Variants in INSC observed in about 807,000 individuals in gnomAD.
INSC encodes the protein INSC spindle orientation adaptor protein, also known as protein inscuteable homolog.
In INSC, 67 loss-of-function variants were observed where a neutral mutation model predicts 58.6. That is an observed-to-expected ratio of 1.14 (90% confidence interval 0.94 to 1.40). INSC has a LOEUF of 1.40. Ranked by LOEUF, INSC falls within the 40% of genes most tolerant of loss-of-function variation. The pLI is 0.00. For synonymous variants in INSC, 262 were observed against 276.1 expected, an observed-to-expected ratio of 0.95 and a Z score of 0.51; for missense variants, 714 against 692.0, an observed-to-expected ratio of 1.03 and a Z score of -0.36.
intron 9 of INSC, among the ~76,000 whole-genome samples, chr11:15,227,349 G>T (rs1206407610): frequency 6.6e-6 from 1 of 152,148 alleles, no homozygotes; most frequent in Non-Finnish European, 1.5e-5. Flanking sequence ...TATTAATTGG[G>T]ACATGAATGT....
At chr11:15,114,901 G>A (rs945942669), upstream of INSC, 5 of 984,404 alleles carry the variant, frequency 5.1e-6, no homozygotes, top group African/African-American at 3.5e-5. Context: ...GCGGCCTCTC[G>A]GGCTGGGCCG....
At chr11:15,162,897 C>T (rs891181796) in intron 2 of INSC, among the ~76,000 whole-genome samples, 5 of 152,110 alleles carry the variant, frequency 3.3e-5, no homozygotes, top group Admixed American at 6.5e-5. Context: ...TTAGATTCAC[C>T]GTGTCACAAA....
At chr11:15,165,104 C>T (rs1849150454) in intron 2 of INSC, among the ~76,000 whole-genome samples, 1 of 152,092 alleles carries the variant, frequency 6.6e-6, no homozygotes, top group Admixed American at 6.5e-5. Flanking sequence ...GCTGGTATTT[C>T]GAAGTTTGTG....
chr11:15,261,451 T>C, the INSC span, among the ~76,000 whole-genome samples: 3 of 152,186 alleles, frequency 2.0e-5, no homozygotes, highest in African/African-American at 7.2e-5. Flanking sequence ...ATTGACCACA[T>C]AAACTCCATA....
At chr11:15,148,448 A>G (rs894766397) in intron 1 of INSC, among the ~76,000 whole-genome samples, 1 of 152,210 alleles carries the variant, frequency 6.6e-6, no homozygotes. Flanking sequence ...TTCGGGTCCA[A>G]CAGGAGACAT....
At chr11:15,154,908 G>T (rs545920520) in intron 2 of INSC, among the ~76,000 whole-genome samples, 1 of 152,184 alleles carries the variant, frequency 6.6e-6, no homozygotes. Context: ...AATGTGCAAA[G>T]GGGTCTTGTG....
chr11:15,210,200 C>T (rs1453344863), intron 7 of INSC, among the ~76,000 whole-genome samples: 2 of 152,166 alleles, frequency 1.3e-5, no homozygotes, highest in African/African-American at 4.8e-5. Context: ...CTTCATTTGC[C>T]ACTGATTTGC....
At chr11:15,250,664 T>C (rs1039818150), downstream of INSC, among the ~76,000 whole-genome samples, 2 of 152,220 alleles carry the variant, frequency 1.3e-5, no homozygotes, top group African/African-American at 4.8e-5. Flanking sequence ...GTCTATCTCT[T>C]GGCATGTTAT....
At chr11:15,240,035 T>G (rs1852283014) in intron 11 of INSC, among the ~76,000 whole-genome samples, 1 of 152,060 alleles carries the variant, frequency 6.6e-6, no homozygotes, top group Non-Finnish European at 1.5e-5. Flanking sequence ...TTTCTTAAAG[T>G]GTAAAAAGAA....
At chr11:15,152,246 C>G (rs1374166065) in intron 2 of INSC, among the ~76,000 whole-genome samples, 1 of 152,156 alleles carries the variant, frequency 6.6e-6, no homozygotes, top group African/African-American at 2.4e-5. Context: ...AGTTGAGCTG[C>G]AAAACCTGGC....
intron 7 of INSC, among the ~76,000 whole-genome samples, chr11:15,216,797 C>T (rs1851236745): frequency 6.6e-6 from 1 of 152,000 alleles, no homozygotes; most frequent in African/African-American, 2.4e-5. Flanking sequence ...GGAGAGAAGC[C>T]CAGTGAGGAG....
At chr11:15,209,997 C>A (rs1043277439) in intron 7 of INSC, among the ~76,000 whole-genome samples, 2 of 152,322 alleles carry the variant, frequency 1.3e-5, no homozygotes, top group Non-Finnish European at 2.9e-5. Flanking sequence ...CGGCTTTGCC[C>A]GTCTCCTAAT....
chr11:15,258,453 G>A, the INSC span, among the ~76,000 whole-genome samples: 1 of 152,140 alleles, frequency 6.6e-6, no homozygotes, highest in Non-Finnish European at 1.5e-5. Context: ...TGACTGCATC[G>A]CTCATCCAGC....
intron 1 of INSC, among the ~76,000 whole-genome samples, chr11:15,138,984 A>G (rs1401029323): frequency 6.6e-6 from 1 of 152,212 alleles, no homozygotes; most frequent in African/African-American, 2.4e-5. Context: ...AAAATCAGAG[A>G]AGATTGGATT....
At chr11:15,219,369 A>G (rs1408711881) in intron 7 of INSC, among the ~76,000 whole-genome samples, 2 of 152,208 alleles carry the variant, frequency 1.3e-5, no homozygotes, top group African/African-American at 4.8e-5. Flanking sequence ...AGCCTCCAGG[A>G]GGCCCCTCTG....
intron 2 of INSC, among the ~76,000 whole-genome samples, chr11:15,165,483 T>C (rs760245093): frequency 6.6e-6 from 1 of 152,324 alleles, no homozygotes; most frequent in Admixed American, 6.5e-5. Flanking sequence ...ACTGAGTGGT[T>C]GTATAACTTG....
chr11:15,134,307 A>G (rs527675641), intron 1 of INSC, among the ~76,000 whole-genome samples: 16 of 152,328 alleles, frequency 1.1e-4, no homozygotes, highest in African/African-American at 3.6e-4. Flanking sequence ...CCAAGATGCC[A>G]TTGACTGAAG....
At chr11:15,234,915 C>T (rs1416501759) in intron 9 of INSC, among the ~76,000 whole-genome samples, 4 of 152,134 alleles carry the variant, frequency 2.6e-5, no homozygotes, top group Non-Finnish European at 5.9e-5. Flanking sequence ...TGGTTACAAC[C>T]CACAAAGCTG....
At chr11:15,230,001 A>AATATAATAT (rs1564917644) in intron 9 of INSC, among the ~76,000 whole-genome samples, 10 of 25,302 alleles carry the variant, frequency 4.0e-4, no homozygotes, top group African/African-American at 1.6e-3. Flanking sequence ...ATATATATAT[A>AATATAATAT]TATATATATA....
Sources: gnomAD v4.1 joint callset for allele counts (sites outside exome capture counted in the v4.1 genomes callset) on GRCh38, gnomAD v4.1.1 for gene constraint, MANE v1.5 for transcripts, NCBI Gene and HGNC (gene_info 2026-07-23, HGNC 2026-07-21) for gene names.